Variants in PCDHGA3 observed in about 807,000 individuals in gnomAD.
The protein encoded by PCDHGA3 is protocadherin gamma-A3.
In PCDHGA3, 40 loss-of-function variants were observed where a neutral mutation model predicts 58.5. The ratio of observed to expected loss-of-function variants is 0.68; its 90% CI spans 0.53 to 0.89. The LOEUF is 0.89. PCDHGA3 is among the 40% of genes least tolerant of loss of function. The pLI is 0.00. For missense variants in PCDHGA3, 1,223 were observed against 1,195.9 expected (o/e 1.02, Z -0.33); for synonymous variants, 530 against 525.7 (o/e 1.01, Z -0.11).
chr5:141,357,073 G>C, intron 1 of PCDHGA3: 1 of 1,613,956 alleles, frequency 6.2e-7, no homozygotes, highest in South Asian at 1.1e-5. Context: ...GCACACAGGC[G>C]AGGTGCGCAC....
chr5:141,449,930 A>G (rs1353778264), intron 1 of PCDHGA3, among the ~76,000 whole-genome samples: 1 of 151,614 alleles, frequency 6.6e-6, no homozygotes, highest in East Asian at 1.9e-4. Context: ...ACCATACCTT[A>G]TAGTATATTT....
At chr5:141,366,692 A>C (rs777934534) in intron 1 of PCDHGA3, 1 of 1,614,256 alleles carries the variant, frequency 6.2e-7, no homozygotes, top group Non-Finnish European at 8.5e-7. Flanking sequence ...CTGTGAGAAA[A>C]GCGAGCCTCT....
chr5:141,362,274 G>T lies in PCDHGA3; in HGVS notation c.2424+15817G>T. ...TCGCGGTGATTCTGGCAATCTCCCTGCGCCTGCGACTCTCTTCCAGGTCAG... is the reference window on the plus strand; with the variant it reads ...TCGCGGTGATTCTGGCAATCTCCCTTCGCCTGCGACTCTCTTCCAGGTCAG... On this transcript the variant is annotated intron_variant, in intron 1 of 3. Transcript: ENST00000253812. 4 of 1,614,018 alleles carry T rather than the reference G, an allele frequency of 2.5e-6. No homozygotes were observed. The East Asian group carries it at 8.9e-5, about 36-fold the overall frequency.
chr5:141,446,692 G>T (rs543476108), intron 1 of PCDHGA3, among the ~76,000 whole-genome samples: 2 of 152,280 alleles, frequency 1.3e-5, no homozygotes, highest in African/African-American at 4.8e-5. Context: ...TGGCCAGGCT[G>T]GTCTCGAACT....
At chr5:141,457,715 CA>C (rs2098928510) in intron 1 of PCDHGA3, among the ~76,000 whole-genome samples, 2 of 152,212 alleles carry the variant, frequency 1.3e-5, no homozygotes, top group Non-Finnish European at 2.9e-5. Flanking sequence ...CACTGTTCCA[CA>C]AGGAATTTCA....
At chr5:141,398,314 A>C in intron 1 of PCDHGA3, 1 of 1,348,682 alleles carries the variant, frequency 7.4e-7, no homozygotes, top group Non-Finnish European at 1.0e-6. Context: ...GGAGTTACCG[A>C]CTCGAAAACT....
intron 1 of PCDHGA3, among the ~76,000 whole-genome samples, chr5:141,400,951 C>A (rs991607511): frequency 6.6e-6 from 1 of 152,174 alleles, no homozygotes; most frequent in Non-Finnish European, 1.5e-5. Flanking sequence ...ACTGATTTCA[C>A]TGGTAGTTTT....
intron 1 of PCDHGA3, among the ~76,000 whole-genome samples, chr5:141,459,014 T>G (rs1429233660): frequency 6.6e-6 from 1 of 152,240 alleles, no homozygotes; most frequent in Non-Finnish European, 1.5e-5. Flanking sequence ...ATTACAGGCA[T>G]GAGCCACCAC....
rs377389968 is a variant in PCDHGA3, at chr5:141,404,840, C to T, written c.2424+58383C>T. On this transcript the variant is annotated intron_variant, in intron 1 of 3. Coordinates refer to ENST00000253812, the MANE Select transcript of PCDHGA3 (RefSeq NM_018916.4). Reference sequence around the variant, plus strand: ...GCACACAGGTGAAGTGCGCACAGCTCGGGCCCTGCTAGATAGAGATGCGCT... The same window carrying T: ...GCACACAGGTGAAGTGCGCACAGCTTGGGCCCTGCTAGATAGAGATGCGCT... 3.5e-5 allele frequency: 57 copies of T among 1,613,700 alleles called. No individual in the cohort carries two copies. The African/African-American group carries it at 6.3e-4, about 18-fold the overall frequency.
intron 1 of PCDHGA3, among the ~76,000 whole-genome samples, chr5:141,475,567 A>G (rs1260546062): frequency 6.6e-6 from 1 of 152,244 alleles, no homozygotes; most frequent in African/African-American, 2.4e-5. Flanking sequence ...CTGTCTTCCA[A>G]CAAGCCAGAT....
In PCDHGA3 at chr5:141,489,120, G is replaced by C; in HGVS notation, c.2425-5687G>C. The C allele has an allele frequency of 1.1e-5, 5 of 445,662 alleles. No homozygotes were observed. Among genetic ancestry groups the C allele is most frequent in the East Asian group, 3.8e-5 (1 of 26,010 alleles). The allele number at this position is 445,662 out of a possible 1,614,324, so 27.6% of individuals were successfully genotyped here. ...AACTGCTGCAAGCAGGCAAACCTCC[G>C]AGCAGTTTTTAAGAGGCTGGAAGGA... On this transcript the variant is annotated intron_variant, in intron 1 of 3. Transcript: ENST00000253812. This position sits in a 1 kb window ranked among gnomAD's most constrained non-coding sequence, Gnocchi z 4.5.
At chr5:141,478,941 A>C (rs889484528) in intron 1 of PCDHGA3, 9 of 589,470 alleles carry the variant, frequency 1.5e-5, no homozygotes, top group Non-Finnish European at 2.0e-5. Context: ...TTCTAGGAAT[A>C]CAAAAACTAC....
At chr5:141,383,846 A>C (rs745543311) in intron 1 of PCDHGA3, 1 of 1,613,960 alleles carries the variant, frequency 6.2e-7, no homozygotes, top group Admixed American at 1.7e-5. Context: ...GCCTTCTATG[A>C]AATGGAGGTT....
chr5:141,433,634 G>T (rs2097636752), intron 1 of PCDHGA3, among the ~76,000 whole-genome samples: 1 of 152,078 alleles, frequency 6.6e-6, no homozygotes, highest in Admixed American at 6.5e-5. Flanking sequence ...TTGGGAGTTT[G>T]AGACCAGCCT....
chr5:141,410,352 G>T (rs754268147), intron 1 of PCDHGA3: 4 of 1,614,022 alleles, frequency 2.5e-6, no homozygotes, highest in South Asian at 2.2e-5. Flanking sequence ...CGCCTGCGAC[G>T]CTCTCTCAGC....
rs1464563296 is a variant in PCDHGA3 at position 141,343,919 on chromosome 5, C to A, written c.-115C>A. The A allele has an allele frequency of 8.4e-6, 8 of 951,198 alleles. No homozygotes were observed. In the South Asian group the frequency reaches 1.7e-4, roughly 20 times the overall value. 58.9% of individuals were successfully genotyped at this position (951,198 alleles called of 1,614,324 possible). ...CCAACCTCACCTCTTAGTCAACCAG[C>A]TGTTTGACCTGTGAATTAGGCCCGT... is the stretch of plus-strand genomic sequence containing the variant. On this transcript the variant is annotated 5_prime_UTR_variant, in exon 1 of 4. The change creates a new upstream start codon in the 5' untranslated region. Coordinates refer to ENST00000253812, the MANE Select transcript of PCDHGA3 (RefSeq NM_018916.4).
chr5:141,349,874 G>A (rs1758365070), intron 1 of PCDHGA3, among the ~76,000 whole-genome samples: 1 of 151,948 alleles, frequency 6.6e-6, no homozygotes, highest in South Asian at 2.1e-4. Flanking sequence ...AAATGATGAA[G>A]GCCCTTATCT....
chr5:141,376,060 G>T lies in PCDHGA3; in HGVS notation c.2424+29603G>T, dbSNP rs375877156. Reference sequence around the variant, plus strand: ...AGCCCCCTCTCTCCGCCACTGTCACGCTCACCGTGGCCGTGGCCGACAGGA... The same window carrying T: ...AGCCCCCTCTCTCCGCCACTGTCACTCTCACCGTGGCCGTGGCCGACAGGA... On this transcript the variant is annotated intron_variant, in intron 1 of 3. Transcript: ENST00000253812. 3.7e-5 allele frequency: 60 copies of T among 1,613,348 alleles called. No homozygotes were observed. The African/African-American group carries it at 7.5e-4, about 20-fold the overall frequency.
chr5:141,361,562 C>A (rs1348479180), intron 1 of PCDHGA3: 3 of 1,614,074 alleles, frequency 1.9e-6, no homozygotes, highest in East Asian at 2.2e-5. Flanking sequence ...CAAATCAGTG[C>A]CTCTGACCCT....
Sources: allele counts gnomAD v4.1 joint callset (sites outside exome capture counted in the v4.1 genomes callset), GRCh38; gene constraint gnomAD v4.1.1; non-coding constraint Gnocchi (gnomAD v3.1); transcripts MANE v1.5; gene names NCBI Gene and HGNC (gene_info 2026-07-23, HGNC 2026-07-21).